Variants in YBX3 observed in about 807,000 individuals in gnomAD.
YBX3 encodes Y-box binding protein 3.
In YBX3, 29 loss-of-function variants were observed where a neutral mutation model predicts 42.4. That is an observed-to-expected ratio of 0.68 (90% CI 0.51 to 0.93). YBX3 has a LOEUF of 0.93. Among genes scored for constraint, YBX3 ranks in the 40% least tolerant of loss-of-function variants. YBX3 has a pLI of 0.00. For missense variants in YBX3, 517 were observed against 527.5 expected (o/e 0.98, Z 0.19); for synonymous variants, 195 against 189.8 (o/e 1.03, Z -0.22).
At chr12:10,708,514 C>T (rs1948162628) in intron 6 of YBX3, among the ~76,000 whole-genome samples, 1 of 152,164 alleles carries the variant, frequency 6.6e-6, no homozygotes, top group Non-Finnish European at 1.5e-5. Flanking sequence ...TTTTGATGCT[C>T]TTGACTGGCT....
chr12:10,710,809 A>T (rs1259296432), intron 5 of YBX3: 1 of 212,284 alleles, frequency 4.7e-6, no homozygotes, highest in East Asian at 1.6e-4. Flanking sequence ...ATAAAGCAAT[A>T]CCACTCTTTT....
chr12:10,719,109 G>A lies in YBX3; in HGVS notation c.297C>T (p.Asn99=), dbSNP rs771187852. ...TTATAAATCCATATCCATTTCTGACGTTGAACCATTTGACAGTGCCAAGGA... is the reference window on the plus strand; with the variant it reads ...TTATAAATCCATATCCATTTCTGACATTGAACCATTTGACAGTGCCAAGGA... The part of the protein sequence containing the change: ...TKVLGTVKWF[N]VRNGYGFINR... The change falls in exon 2 of 10, where the codon AAC becomes AAT. Residue 99 remains asparagine, a synonymous_variant. Transcript: ENST00000228251. 2.6e-5 allele frequency: 42 copies of A among 1,613,310 alleles called. No individual in the cohort carries two copies. Among genetic ancestry groups the A allele is most frequent in the Admixed American group, 2.0e-4 (12 of 59,928 alleles).
chr12:10,711,831 C>CT lies in YBX3; in HGVS notation c.573+1379dup, dbSNP rs1948204231. On this transcript the variant is annotated intron_variant, in intron 5 of 9. Transcript: ENST00000228251. ...TTTTCAGGTTTTGGACAGGAAAAGT[C>CT]TTTAAGAAAAATTTTTCACTGAATG... 4 of 152,264 alleles carry CT rather than the reference C, an allele frequency of 2.6e-5. No homozygotes were observed. In the South Asian group the frequency reaches 8.3e-4, roughly 32 times the overall value. 9.4% of individuals were successfully genotyped at this position (152,264 alleles called of 1,614,324 possible).
chr12:10,704,062 T>A lies in YBX3; in HGVS notation c.867A>T (p.Pro289=), dbSNP rs1241370918. Residue 289 remains proline (P), a synonymous_variant, in exon 7 of 10, where the codon CCA becomes CCT. Coordinates refer to ENST00000228251, the MANE Select transcript of YBX3 (RefSeq NM_003651.5). ...AAAATGCGACATACCTACGGTACCT[T>A]GGGCGGTAAGTTGGATTTCGATGAA... ...GPVHRNPTYR[P]RYRSRGPPRP... The A allele has an allele frequency of 3.1e-6, 5 of 1,614,200 alleles. No individual in the cohort carries two copies. In the East Asian group the frequency reaches 1.1e-4, roughly 36 times the overall value.
chr12:10,708,903 A>G (rs1007215857), intron 6 of YBX3, among the ~76,000 whole-genome samples: 1 of 152,252 alleles, frequency 6.6e-6, no homozygotes, highest in East Asian at 1.9e-4. Context: ...GACGCTAAAA[A>G]TAAGTGCATA....
At chr12:10,708,355 G>A (rs952827637) in intron 6 of YBX3, among the ~76,000 whole-genome samples, 6 of 151,602 alleles carry the variant, frequency 4.0e-5, no homozygotes, top group East Asian at 3.9e-4. Context: ...ATTTCATAGC[G>A]TTGTAATAGT....
intron 3 of YBX3, 131 bp from the exon 4 acceptor site, chr12:10,715,914 C>G (rs1337945133): frequency 5.6e-6 from 4 of 715,426 alleles, no homozygotes; most frequent in Middle Eastern, 3.0e-4. Flanking sequence ...CATTCTCCCA[C>G]TAAGTTGGAT....
intron 6 of YBX3, 133 bp downstream of exon 6, chr12:10,709,775 C>T (rs1299549386): frequency 1.9e-5 from 22 of 1,133,288 alleles, no homozygotes; most frequent in Non-Finnish European, 2.9e-5. Context: ...AAGGCCTTGC[C>T]TCAGCTTTTG....
chr12:10,723,062 T>G lies in YBX3; in HGVS notation c.50A>C (p.Gln17Pro). The change falls in exon 1 of 10, where the codon CAG (glutamine) becomes CCG (proline). Residue 17 changes from glutamine (Q) to proline (P), a missense_variant. Gln to Pro is a moderately conservative substitution (Grantham distance 76). Transcript: ENST00000228251. ...CGCGGCGGCCGCCTCCGTCGGAGCC[T>G]GCGGGAGGGTGGTGGTGGTGGTGGT... ...ATTTTTTTLP[Q>P]APTEAAAAAP... is the part of the protein sequence containing the mutation. 1 of 1,207,176 alleles carries G rather than the reference T, an allele frequency of 8.3e-7. No individual in the cohort carries two copies. Among genetic ancestry groups the G allele is most frequent in the Non-Finnish European group, 1.0e-6 (1 of 974,312 alleles). The allele number at this position is 1,207,176 out of a possible 1,614,324, so 74.8% of individuals were successfully genotyped here.
intron 6 of YBX3, among the ~76,000 whole-genome samples, chr12:10,708,919 A>G (rs1030270829): frequency 1.3e-5 from 2 of 152,226 alleles, no homozygotes; most frequent in Non-Finnish European, 2.9e-5. Flanking sequence ...GCATATTACA[A>G]TCTCACTGAC....
intron 7 of YBX3, chr12:10,703,173 T>C (rs1948100162): frequency 6.6e-6 from 1 of 152,218 alleles, no homozygotes; most frequent in Non-Finnish European, 1.5e-5. Context: ...TACGATCCTT[T>C]TACAATTATA....
At chr12:10,715,153 G>A (rs999898418) in intron 4 of YBX3, among the ~76,000 whole-genome samples, 6 of 152,090 alleles carry the variant, frequency 3.9e-5, no homozygotes, top group African/African-American at 1.4e-4. Flanking sequence ...TTTTTAAATT[G>A]AGAAATCAGC....
At chr12:10,715,244 T>C (rs1023784879) in intron 4 of YBX3, among the ~76,000 whole-genome samples, 18 of 152,068 alleles carry the variant, frequency 1.2e-4, no homozygotes, top group Non-Finnish European at 2.4e-4. Flanking sequence ...ATAATGACAA[T>C]GTCAAAAATA....
chr12:10,717,373 CA>C (rs940641459), intron 3 of YBX3, among the ~76,000 whole-genome samples: 13 of 152,288 alleles, frequency 8.5e-5, no homozygotes, highest in African/African-American at 3.1e-4. Flanking sequence ...ACTAAATAAA[CA>C]AAAAGAACAC....
intron 4 of YBX3, 49 bp from the exon 5 acceptor site, chr12:10,713,382 T>C: frequency 6.3e-7 from 1 of 1,592,258 alleles, no homozygotes; most frequent in South Asian, 1.1e-5. Flanking sequence ...GAATATACAC[T>C]AACTCAAAAA....
rs752619424 is a variant in YBX3 at position 10,710,005 on chromosome 12, T to A, written c.683A>T (p.Tyr228Phe). 1.2e-6 allele frequency: 2 copies of A among 1,612,372 alleles called. No homozygotes were observed. Among genetic ancestry groups the A allele is most frequent in the Non-Finnish European group, 1.7e-6 (2 of 1,178,292 alleles). Reference protein sequence around the residue: ...GARNQLRRPQYRPQYRQRRFP... With the variant: ...GARNQLRRPQFRPQYRQRRFP... Reference sequence around the variant, plus strand: ...CCGCCGCTGCCGGTACTGAGGGCGATACTGGGGGCGGCGCAGCTGATTCCG... The same window carrying A: ...CCGCCGCTGCCGGTACTGAGGGCGAAACTGGGGGCGGCGCAGCTGATTCCG... Residue 228 changes from tyrosine (Y) to phenylalanine (F), a missense_variant, in exon 6 of 10, where the codon TAT (tyrosine) becomes TTT (phenylalanine). Physicochemically the swap from Tyr to Phe is conservative, Grantham distance 22 (BLOSUM62 3). Coordinates refer to ENST00000228251, the MANE Select transcript of YBX3 (RefSeq NM_003651.5).
rs532279907 is a variant in YBX3 at position 10,715,501 on chromosome 12, G to A, written c.450+193C>T. On this transcript the variant is annotated intron_variant, in intron 4 of 9. Transcript: ENST00000228251. ...GTGGAAGTTGCAGTGAACCAAGATC[G>A]CGCCACTGCACTCCAGCCTGGGCAA... Among the ~76,000 whole-genome samples, 15 of 151,694 alleles carry A rather than the reference G, an allele frequency of 9.9e-5. No individual in the cohort carries two copies. In the East Asian group the frequency reaches 1.2e-3, roughly 12 times the overall value.
intron 5 of YBX3, chr12:10,711,724 C>T (rs1948202627): frequency 6.6e-6 from 1 of 152,166 alleles, no homozygotes; most frequent in Admixed American, 6.5e-5. Flanking sequence ...TTTATGTATA[C>T]TTTAAGAGTT....
intron 3 of YBX3, chr12:10,717,883 C>A: frequency 4.9e-6 from 2 of 407,128 alleles, no homozygotes; most frequent in Non-Finnish European, 8.6e-6. Context: ...AAAAATAAAA[C>A]TATTTGAAAA....
Sources: gnomAD v4.1 joint callset for allele counts (sites outside exome capture counted in the v4.1 genomes callset) on GRCh38, gnomAD v4.1.1 for gene constraint, MANE v1.5 for transcripts, NCBI Gene and HGNC (gene_info 2026-07-23, HGNC 2026-07-21) for gene names.